MYBPH: variants seen among roughly 807,000 people sequenced by gnomAD.
MYBPH encodes the protein myosin-binding protein H.
A neutral mutation model predicts 53.6 loss-of-function variants in MYBPH; 49 were observed. That is an observed-to-expected ratio of 0.91 (90% CI 0.73 to 1.16). MYBPH has a LOEUF of 1.16. Among genes scored for constraint, MYBPH ranks in the 50% most tolerant of loss-of-function variants. MYBPH has a pLI of 0.00. For synonymous variants in MYBPH, 239 were observed against 249.6 expected (o/e 0.96, Z 0.40); for missense variants, 558 against 624.1 (o/e 0.89, Z 1.13).
chr1:203,175,495 C>T, intron 1 of MYBPH, 34 bp from the exon 2 acceptor site: 2 of 1,610,256 alleles, frequency 1.2e-6, no homozygotes, highest in Admixed American at 3.3e-5. Flanking sequence ...GCCAAGAGCT[C>T]CCCTCCACCC....
upstream of MYBPH, among the ~76,000 whole-genome samples, chr1:203,176,849 G>C (rs1013843840): frequency 6.6e-6 from 1 of 152,112 alleles, no homozygotes; most frequent in Non-Finnish European, 1.5e-5. Context: ...TGCCTACTCC[G>C]TGACCCAGCC....
rs978359953 is a variant in MYBPH at position 203,170,993 on chromosome 1, G to A, written c.933+68C>T. On this transcript the variant is annotated intron_variant, in intron 6 of 10. Transcript: ENST00000255416. ...CCTAGACTCGGTCCCTAGACTCAGT[G>A]GGATGGGCCTTCCCCACCACCTTGA... 11 of 1,512,958 alleles carry A rather than the reference G, an allele frequency of 7.3e-6. No homozygotes were observed. In the Middle Eastern group the frequency reaches 7.1e-4, roughly 98 times the overall value. The allele number at this position is 1,512,958 out of a possible 1,614,324, so 93.7% of individuals were successfully genotyped here. A position where few individuals can be genotyped will look rare whatever the true frequency, so the allele number is the denominator to read the frequency against.
rs766263545 is a variant in MYBPH, at chr1:203,171,431, G to A, written c.745C>T (p.Arg249Cys). The change falls in exon 5 of 11, where the codon CGC becomes TGC. Residue 249 changes from arginine (R) to cysteine (C), a missense_variant. By Grantham distance (180) the Arg-to-Cys change is radical (BLOSUM62 -3). Coordinates refer to ENST00000255416, the MANE Select transcript of MYBPH (RefSeq NM_004997.3). This position sits in a 1 kb window ranked among gnomAD's most constrained non-coding sequence, Gnocchi z 4.2. ...GCCTTGGCCTCCAGGTCTTCCACGC[G>A]CACAGTGAGCTCGTAGCGGCCAGAG... ...SDSGRYELTV[R>C]VEDLEAKAVI... 9.9e-6 allele frequency: 16 copies of A among 1,613,982 alleles called. No individual in the cohort carries two copies. Among genetic ancestry groups the A allele is most frequent in the South Asian group, 2.2e-5 (2 of 91,082 alleles).
At chr1:203,178,393 C>T (rs1231672010), upstream of MYBPH, among the ~76,000 whole-genome samples, 1 of 152,150 alleles carries the variant, frequency 6.6e-6, no homozygotes, top group Admixed American at 6.6e-5. Context: ...GGGTTGCTTC[C>T]AAGGTAATCG....
upstream of MYBPH, among the ~76,000 whole-genome samples, chr1:203,177,219 G>A (rs144883954): frequency 3.5e-4 from 53 of 152,346 alleles, no homozygotes; most frequent in Admixed American, 1.2e-3. Context: ...TTAGGATGGC[G>A]ATTGCCTCTA....
chr1:203,171,333 T>TG lies in MYBPH; in HGVS notation c.793+49dup. ...AGCCATCAGCTCTGGGATAGGAGGT[T>TG]GGGGGCTCCAGGTCCCCCATGAGAC... On this transcript the variant is annotated intron_variant, in intron 5 of 10. Coordinates refer to ENST00000255416, the MANE Select transcript of MYBPH (RefSeq NM_004997.3). This position sits in a 1 kb window ranked among gnomAD's most constrained non-coding sequence, Gnocchi z 4.2. 5 of 1,580,534 alleles carry TG rather than the reference T, an allele frequency of 3.2e-6. No individual in the cohort carries two copies. The highest frequency in any genetic ancestry group is 4.3e-6 in the Non-Finnish European group (5 of 1,160,348).
chr1:203,175,873 C>T (rs1276527849), upstream of MYBPH: 5 of 1,007,620 alleles, frequency 5.0e-6, no homozygotes, highest in African/African-American at 6.5e-5. Context: ...GGCTGCCCCA[C>T]CCCCAGCAAA....
intron 2 of MYBPH, 104 bp from the exon 3 acceptor site, chr1:203,174,701 C>A (rs1655765807): frequency 8.1e-7 from 1 of 1,235,396 alleles, no homozygotes; most frequent in East Asian, 2.7e-5. Flanking sequence ...CAGCCTCCCT[C>A]TCTGGGCCTC....
At chr1:203,169,196 C>T in intron 8 of MYBPH, 57 bp downstream of exon 8, 2 of 1,576,958 alleles carry the variant, frequency 1.3e-6, no homozygotes, top group Non-Finnish European at 1.7e-6. Context: ...ATTCCTCAGC[C>T]CTGCTGTCCC....
chr1:203,172,846 G>A (rs1484541608), intron 3 of MYBPH, among the ~76,000 whole-genome samples: 1 of 152,194 alleles, frequency 6.6e-6, no homozygotes, highest in African/African-American at 2.4e-5. Flanking sequence ...GGTGGCAGCA[G>A]TTGGTTGGTG....
In MYBPH at chr1:203,174,443, G is replaced by T; in HGVS notation, c.495C>A (p.Ile165=). Reference sequence around the variant, plus strand: ...GATGGGCTTTACCAATGTTCTCTCGGATGTGGATGGGCTGGTCCAGCATGG... The same window carrying T: ...GATGGGCTTTACCAATGTTCTCTCGTATGTGGATGGGCTGGTCCAGCATGG... The part of the protein sequence containing the change: ...PPAMLDQPIH[I]RENIEAPKIR... Residue 165 remains isoleucine, a synonymous_variant, in exon 3 of 11, where the codon ATC becomes ATA. Transcript: ENST00000255416. 1 of 1,594,328 alleles carries T rather than the reference G, an allele frequency of 6.3e-7. No homozygotes were observed. Among genetic ancestry groups the T allele is most frequent in the Non-Finnish European group, 8.6e-7 (1 of 1,165,016 alleles).
upstream of MYBPH, among the ~76,000 whole-genome samples, chr1:203,176,241 T>C (rs1391910623): frequency 1.3e-5 from 2 of 152,310 alleles, no homozygotes; most frequent in East Asian, 3.9e-4. Flanking sequence ...ACAATCGTCC[T>C]TGTGAGCACT....
rs138091278 is a variant in MYBPH at position 203,171,184 on chromosome 1, G to A, written c.810C>T (p.Pro270=). ...AGACGTCCAGGAGCCTGATGCTGCT[G>A]GGGGGTCCAGGTTTCTCTGTAGGCC... The part of the protein sequence containing the change: ...DILVIEKPGP[P]SSIRLLDVWG... Residue 270 remains proline (P), a synonymous_variant, in exon 6 of 11, where the codon CCC becomes CCT. Transcript: ENST00000255416. This position sits in a 1 kb window ranked among gnomAD's most constrained non-coding sequence, Gnocchi z 4.2. 32 of 1,600,070 alleles carry A rather than the reference G, an allele frequency of 2.0e-5. No homozygotes were observed. In the African/African-American group the frequency reaches 3.8e-4, roughly 19 times the overall value.
chr1:203,174,608 GGAGA>G lies in MYBPH; in HGVS notation c.341-15_341-12del. 1 of 1,584,636 alleles carries G rather than the reference GGAGA, an allele frequency of 6.3e-7. No individual in the cohort carries two copies. Among genetic ancestry groups the G allele is most frequent in the East Asian group, 2.3e-5 (1 of 44,058 alleles). On this transcript the variant is annotated splice_polypyrimidine_tract_variant and intron_variant, in intron 2 of 10. Transcript: ENST00000255416. ...GCACCCACTCCGAGGCTGAGGGGAT[GGAGA>G]GAGTGTGAGGTCTTTGCAATGTGGC...
chr1:203,169,324 G>A lies in MYBPH; in HGVS notation c.1159C>T (p.Pro387Ser), dbSNP rs774370257. Residue 387 changes from proline (P) to serine (S), a missense_variant, in exon 8 of 11, where the codon CCC (proline) becomes TCC (serine). Transcript: ENST00000255416. The part of the protein sequence containing the change: ...DFSEAPSFTQ[P>S]LADHTSTPGY... ...GGGGTGGAGGTGTGGTCAGCCAGGG[G>A]CTGGGTGAATGAGGGGGCTTCTGAG... The A allele has an allele frequency of 6.8e-6, 11 of 1,612,514 alleles. No individual in the cohort carries two copies. The Admixed American group carries it at 8.4e-5, about 12-fold the overall frequency.
At chr1:203,168,744 C>G (rs1655634942) in intron 9 of MYBPH, 69 bp from the exon 10 acceptor site, 1 of 1,606,978 alleles carries the variant, frequency 6.2e-7, no homozygotes, top group Non-Finnish European at 8.5e-7. Context: ...GGTTATACAC[C>G]CTCTTCTACA....
At chr1:203,174,071 G>A (rs1165307584) in intron 3 of MYBPH, among the ~76,000 whole-genome samples, 1 of 152,208 alleles carries the variant, frequency 6.6e-6, no homozygotes, top group East Asian at 1.9e-4. Context: ...CAGGAAATGG[G>A]CAGAAAATGA....
chr1:203,171,702 G>A lies in MYBPH; in HGVS notation c.598-124C>T. 1 of 1,069,908 alleles carries A rather than the reference G, an allele frequency of 9.3e-7. No homozygotes were observed. The highest frequency in any genetic ancestry group is 1.7e-5 in the South Asian group (1 of 59,002). 66.3% of individuals were successfully genotyped at this position (1,069,908 alleles called of 1,614,324 possible). The stretch of plus-strand genomic sequence containing the variant: ...GTCCCACTGGCCCTTCTCAGGAGGG[G>A]CAGCAGAGGCTGGAGCCACAGGTGC... On this transcript the variant is annotated intron_variant, in intron 4 of 10. Transcript: ENST00000255416. This position sits in a 1 kb window ranked among gnomAD's most constrained non-coding sequence, Gnocchi z 4.2.
rs149457932 is a variant in MYBPH, at chr1:203,168,822, C to T, written c.1417+84G>A. On this transcript the variant is annotated intron_variant, in intron 9 of 10. Transcript: ENST00000255416. ...CCCCAGTCTTACCACCCCTTCTCTT[C>T]GGCCTTGATTTTAAGCTGTCTGCTG... is the stretch of plus-strand genomic sequence containing the variant. 1,378 of 1,583,174 alleles carry T rather than the reference C, an allele frequency of 8.7e-4. 2 individuals are homozygous for T. Among genetic ancestry groups the T allele is most frequent in the East Asian group, 3.9e-3 (173 of 44,578 alleles).
Sources: gnomAD v4.1 joint callset for allele counts (sites outside exome capture counted in the v4.1 genomes callset) on GRCh38, gnomAD v4.1.1 for gene constraint, Gnocchi (gnomAD v3.1) non-coding constraint, MANE v1.5 for transcripts, NCBI Gene and HGNC (gene_info 2026-07-23, HGNC 2026-07-21) for gene names.